ALKBH1: variants seen among roughly 807,000 people sequenced by gnomAD.
The protein encoded by ALKBH1 is nucleic acid dioxygenase ALKBH1.
ALKBH1 carries 31 observed loss-of-function variants against 36.6 expected under a neutral mutation model. That is an observed-to-expected ratio of 0.85 (90% CI 0.64 to 1.14). The LOEUF (loss-of-function observed/expected upper bound fraction) is 1.14, where lower values mean the gene tolerates loss of function less well. Ranked by LOEUF, ALKBH1 falls within the 50% of genes most tolerant of loss-of-function variation. The probability of loss-of-function intolerance (pLI) is 0.00; values close to 1 mark genes in which losing one functional copy is unlikely to be tolerated. For missense variants in ALKBH1, 490 were observed against 497.3 expected, an observed-to-expected ratio of 0.99 and a Z score of 0.14; for synonymous variants, 183 against 186.6, an observed-to-expected ratio of 0.98 and a Z score of 0.16.
chr14:77,697,072 T>A lies in ALKBH1; in HGVS notation c.293-2172A>T, dbSNP rs2080331574. 3 of 186,954 alleles carry A rather than the reference T, an allele frequency of 1.6e-5. No individual in the cohort carries two copies. The South Asian group carries it at 3.5e-4, about 22-fold the overall frequency. 11.6% of individuals were successfully genotyped at this position (186,954 alleles called of 1,614,324 possible). ...GACCTCCAGAAGAGGTAGCAAAGCT[T>A]GTACTGGTTTGCAATTCAGCAGCTT... On this transcript the variant is annotated intron_variant, in intron 2 of 5. Transcript: ENST00000216489.
At chr14:77,705,524 C>G (rs943367616) in intron 1 of ALKBH1, among the ~76,000 whole-genome samples, 1 of 151,924 alleles carries the variant, frequency 6.6e-6, no homozygotes, top group South Asian at 2.1e-4. Context: ...GCTAAAAAAT[C>G]CTGTTTGCCC....
At chr14:77,689,797 C>T (rs1475263756) in intron 3 of ALKBH1, among the ~76,000 whole-genome samples, 1 of 151,796 alleles carries the variant, frequency 6.6e-6, no homozygotes, top group Non-Finnish European at 1.5e-5. Flanking sequence ...AGCTAATTTA[C>T]AGAACAAATA....
At chr14:77,675,542 T>G in intron 5 of ALKBH1, 114 bp downstream of exon 5, 1 of 856,482 alleles carries the variant, frequency 1.2e-6, no homozygotes, top group Non-Finnish European at 1.7e-6. Flanking sequence ...TGGAAGATTA[T>G]AGAGTCCAAC....
At chr14:77,692,791 A>G (rs2080304542) in intron 3 of ALKBH1, among the ~76,000 whole-genome samples, 1 of 148,152 alleles carries the variant, frequency 6.7e-6, no homozygotes, top group South Asian at 2.1e-4. Flanking sequence ...TGCACCTACC[A>G]AATTGTATTT....
At chr14:77,707,690 G>T in intron 1 of ALKBH1, 132 bp downstream of exon 1, 1 of 1,033,904 alleles carries the variant, frequency 9.7e-7, no homozygotes, top group Non-Finnish European at 1.3e-6. Context: ...GTTCGACTCT[G>T]CAGCCAAAGG....
chr14:77,684,753 G>A (rs1204108638), intron 3 of ALKBH1, among the ~76,000 whole-genome samples: 1 of 152,070 alleles, frequency 6.6e-6, no homozygotes, highest in African/African-American at 2.4e-5. Flanking sequence ...TCTCTATGTT[G>A]CCCAGGTGGG....
intron 4 of ALKBH1, among the ~76,000 whole-genome samples, chr14:77,676,441 A>G (rs1395583235): frequency 1.3e-5 from 2 of 152,180 alleles, no homozygotes; most frequent in East Asian, 1.9e-4. Flanking sequence ...TCTGTAAATG[A>G]GACAGTTCTA....
At chr14:77,693,968 CAG>C (rs1555384483) in intron 3 of ALKBH1, among the ~76,000 whole-genome samples, 1 of 152,160 alleles carries the variant, frequency 6.6e-6, no homozygotes, top group Non-Finnish European at 1.5e-5. Context: ...GCCTGGGTGA[CAG>C]AGTGAGACTC....
intron 3 of ALKBH1, among the ~76,000 whole-genome samples, chr14:77,685,799 T>A (rs1461680309): frequency 6.6e-6 from 1 of 152,076 alleles, no homozygotes; most frequent in Non-Finnish European, 1.5e-5. Flanking sequence ...AGTTTTTGCG[T>A]TATATTATAG....
chr14:77,680,555 C>G (rs1407174323), intron 3 of ALKBH1, among the ~76,000 whole-genome samples: 1 of 152,122 alleles, frequency 6.6e-6, no homozygotes, highest in Non-Finnish European at 1.5e-5. Flanking sequence ...AATTAAGGCA[C>G]CACTGTAACT....
chr14:77,707,075 A>T lies in ALKBH1; in HGVS notation c.183+747T>A, dbSNP rs190021178. On this transcript the variant is annotated intron_variant, in intron 1 of 5. Transcript: ENST00000216489. ...TCCCTTAAAAAAATAATTTTTAAAA[A>T]ATCTATTTACTTGAGAACAGGTTAT... Among the ~76,000 whole-genome samples the T allele has an allele frequency of 5.7e-4, 87 of 152,278 alleles. 1 individual carries two copies. The highest frequency in any genetic ancestry group is 2.0e-3 in the African/African-American group (82 of 41,558).
chr14:77,678,938 C>A (rs1412722908), intron 4 of ALKBH1, among the ~76,000 whole-genome samples: 1 of 152,082 alleles, frequency 6.6e-6, no homozygotes, highest in Non-Finnish European at 1.5e-5. Context: ...TCCCCAGCCT[C>A]CTGAGTAGCT....
At chr14:77,680,044 G>T in intron 3 of ALKBH1, 74 bp from the exon 4 acceptor site, 1 of 1,194,090 alleles carries the variant, frequency 8.4e-7, no homozygotes, top group Non-Finnish European at 1.3e-6. Flanking sequence ...GGACTCTGGA[G>T]TTAAAATTTA....
intron 2 of ALKBH1, among the ~76,000 whole-genome samples, chr14:77,698,024 A>G (rs568210215): frequency 1.3e-5 from 2 of 152,318 alleles, no homozygotes; most frequent in East Asian, 1.9e-4. Flanking sequence ...AGAAAAAAAA[A>G]GAATTAGAGA....
chr14:77,698,711 T>C (rs571967073), intron 2 of ALKBH1, among the ~76,000 whole-genome samples: 2 of 152,316 alleles, frequency 1.3e-5, no homozygotes, highest in Non-Finnish European at 2.9e-5. Context: ...CAGCAAATGT[T>C]TTCTGTCAAG....
intron 3 of ALKBH1, among the ~76,000 whole-genome samples, chr14:77,684,254 G>C (rs879748774): frequency 1.3e-5 from 2 of 152,206 alleles, no homozygotes; most frequent in Non-Finnish European, 2.9e-5. Flanking sequence ...TGATACTTAT[G>C]CTGCTGGTCC....
Position 77,673,820 on chromosome 14 carries a change from C to T in ALKBH1, c.1162G>A (p.Asp388Asn). Reference protein sequence around the residue: ...SEVKRARINPDS With the variant: ...SEVKRARINPNS ...GATGGGATCTCCAAGTCTCAGCTGTCAGGGTTTATCCTGGCCCGTTTTACT... is the reference window on the plus strand; with the variant it reads ...GATGGGATCTCCAAGTCTCAGCTGTTAGGGTTTATCCTGGCCCGTTTTACT... The change falls in exon 6 of 6, where the codon GAC (aspartate) becomes AAC (asparagine). Residue 388 changes from aspartate (D) to asparagine (N), a missense_variant. Transcript: ENST00000216489. 6.2e-7 allele frequency: 1 copy of T among 1,610,210 alleles called. No individual in the cohort carries two copies. Among genetic ancestry groups the T allele is most frequent in the Non-Finnish European group, 8.5e-7 (1 of 1,177,360 alleles).
At chr14:77,680,434 GA>G (rs1013645055) in intron 3 of ALKBH1, among the ~76,000 whole-genome samples, 12 of 150,648 alleles carry the variant, frequency 8.0e-5, no homozygotes, top group Non-Finnish European at 1.5e-4. Context: ...GCAGGTTGGG[GA>G]AAAAAAAAGT....
chr14:77,694,933 G>A, intron 2 of ALKBH1, 33 bp from the exon 3 acceptor site: 1 of 1,445,244 alleles, frequency 6.9e-7, no homozygotes. Flanking sequence ...AAAAAGAAGA[G>A]GGGGAAATTC....
Sources: gnomAD v4.1 joint callset for allele counts (sites outside exome capture counted in the v4.1 genomes callset) on GRCh38, gnomAD v4.1.1 for gene constraint, MANE v1.5 for transcripts, NCBI Gene and HGNC (gene_info 2026-07-23, HGNC 2026-07-21) for gene names.